The following OTOL1 variants were observed in gnomAD, a reference collection of about 807,000 sequenced individuals.
OTOL1 encodes otolin-1.
A neutral mutation model predicts 25.0 loss-of-function variants in OTOL1; 31 were observed. That is an observed-to-expected ratio of 1.24 (90% CI 0.93 to 1.67). The LOEUF is 1.67. Ranked by LOEUF, OTOL1 falls within the 40% of genes most tolerant of loss-of-function variation. The pLI is 0.00. For missense variants in OTOL1, 654 were observed against 587.7 expected, an observed-to-expected ratio of 1.11 and a Z score of -1.17; for synonymous variants, 225 against 210.3, an observed-to-expected ratio of 1.07 and a Z score of -0.61.
intron 2 of OTOL1, 75 bp downstream of exon 2, chr3:161,499,335 G>A: frequency 1.8e-6 from 2 of 1,114,922 alleles, no homozygotes; most frequent in Non-Finnish European, 2.6e-6. Context: ...GCTACTTAAA[G>A]ACTAGATTCT....
rs184942288 is a variant in OTOL1 at position 161,497,600 on chromosome 3, G to T, written c.364+429G>T. On this transcript the variant is annotated intron_variant, in intron 1 of 3. Transcript: ENST00000327928. The stretch of plus-strand genomic sequence containing the variant: ...TAAATTAGTGGCTGATTTAAAAAGG[G>T]TAAATGAAACTTCTGTTGCCTTGCA... 3.2e-3 allele frequency among the ~76,000 whole-genome samples: 482 copies of T among 152,202 alleles called. 4 individuals are homozygous for T. Among genetic ancestry groups the T allele is most frequent in the African/African-American group, 0.011 (461 of 41,534 alleles).
Position 161,499,221 on chromosome 3 carries a change from G to T in OTOL1, c.415G>T (p.Val139Phe). ...GGGGATCCCAGGGCCACCAGGAGTT[G>T]TTGGGCCCCAAGGCCCTAGAGGCTA... ...NLGIPGPPGV[V>F]GPQGPRGYKG... Residue 139 changes from valine (V) to phenylalanine (F), a missense_variant, in exon 2 of 4, where the codon GTT becomes TTT. Coordinates refer to ENST00000327928, the MANE Select transcript of OTOL1 (RefSeq NM_001080440.1). The T allele has an allele frequency of 1.2e-6, 2 of 1,611,570 alleles. No individual in the cohort carries two copies. Among genetic ancestry groups the T allele is most frequent in the Non-Finnish European group, 1.7e-6 (2 of 1,178,978 alleles).
rs1334511972 is a variant in OTOL1, at chr3:161,497,202, C to T, written c.364+31C>T. ...AGAAAATATAAGAAGTCATGTTTCT[C>T]ACTTGTACATTGGTAGAGTTGAGAG... On this transcript the variant is annotated intron_variant, in intron 1 of 3. Coordinates refer to ENST00000327928, the MANE Select transcript of OTOL1 (RefSeq NM_001080440.1). 2.5e-6 allele frequency: 4 copies of T among 1,579,660 alleles called. No individual in the cohort carries two copies. In the East Asian group the frequency reaches 6.7e-5, roughly 27 times the overall value.
Position 161,503,831 on chromosome 3 carries a change from C to A in OTOL1, c.1323C>A (p.Val441=). ...VILKLSAGDQ[V]WLEVSKDWNG... ...TGAAATTAAGTGCAGGAGACCAAGT[C>A]TGGCTTGAGGTGTCAAAAGATTGGA... The change falls in exon 4 of 4, where the codon GTC becomes GTA. Residue 441 remains valine, a synonymous_variant. Transcript: ENST00000327928. The A allele has an allele frequency of 6.2e-7, 1 of 1,613,920 alleles. No individual in the cohort carries two copies. The highest frequency in any genetic ancestry group is 1.3e-5 in the African/African-American group (1 of 75,038).
At chr3:161,502,219 C>A in intron 2 of OTOL1, 88 bp from the exon 3 acceptor site, 1 of 1,255,346 alleles carries the variant, frequency 8.0e-7, no homozygotes, top group Non-Finnish European at 1.1e-6. Flanking sequence ...TTAAAGAAAA[C>A]ACTAGAATGT....
intron 3 of OTOL1, among the ~76,000 whole-genome samples, 178 bp downstream of exon 3, chr3:161,502,547 C>T (rs1275480840): frequency 6.6e-6 from 1 of 152,090 alleles, no homozygotes; most frequent in Non-Finnish European, 1.5e-5. Context: ...AATTTGGAGA[C>T]CAGGTAATAG....
At chr3:161,498,789 G>A (rs945832074) in intron 1 of OTOL1, among the ~76,000 whole-genome samples, 7 of 152,146 alleles carry the variant, frequency 4.6e-5, no homozygotes, top group Admixed American at 6.6e-5. Context: ...ATGAATGAAT[G>A]AGTAAGTGAA....
rs529602090 is a variant in OTOL1 at position 161,501,771 on chromosome 3, T to C, written c.455-536T>C. On this transcript the variant is annotated intron_variant, in intron 2 of 3. Transcript: ENST00000327928. ...GTTTTATGAGAGGTTTGAAGAGCCA[T>C]GGAAATGCTGAGGGCAAAGATGAAT... is the stretch of plus-strand genomic sequence containing the variant. Among the ~76,000 whole-genome samples the C allele has an allele frequency of 2.0e-5, 3 of 152,268 alleles. 1 individual carries two copies. In the South Asian group the frequency reaches 6.2e-4, roughly 32 times the overall value.
At chr3:161,501,825 T>G (rs1718979421) in intron 2 of OTOL1, among the ~76,000 whole-genome samples, 1 of 152,128 alleles carries the variant, frequency 6.6e-6, no homozygotes, top group East Asian at 1.9e-4. Flanking sequence ...TGCCTCCAGA[T>G]CGCTAAAATA....
Position 161,497,088 on chromosome 3 carries a change from C to T in OTOL1, c.281C>T (p.Pro94Leu). Residue 94 changes from proline (P) to leucine (L), a missense_variant, in exon 1 of 4, where the codon CCA becomes CTA. Coordinates refer to ENST00000327928, the MANE Select transcript of OTOL1 (RefSeq NM_001080440.1). ...LSPFENFTLD[P>L]ADFFLNCCDC... ...CCCTTTGAAAACTTCACTCTTGACC[C>T]AGCTGATTTCTTTTTGAATTGTTGT... is the stretch of plus-strand genomic sequence containing the variant. The T allele has an allele frequency of 1.9e-6, 3 of 1,613,644 alleles. No homozygotes were observed. Among genetic ancestry groups the T allele is most frequent in the Non-Finnish European group, 2.5e-6 (3 of 1,179,640 alleles).
intron 2 of OTOL1, among the ~76,000 whole-genome samples, chr3:161,500,061 G>A (rs1230196724): frequency 6.6e-6 from 1 of 152,138 alleles, no homozygotes; most frequent in Non-Finnish European, 1.5e-5. Context: ...AAATTCCTCA[G>A]TGAATACCAG....
chr3:161,496,874 G>A lies in OTOL1; in HGVS notation c.67G>A (p.Ala23Thr). 2 of 1,612,666 alleles carry A rather than the reference G, an allele frequency of 1.2e-6. No individual in the cohort carries two copies. The highest frequency in any genetic ancestry group is 2.2e-5 in the South Asian group (2 of 90,968). Residue 23 changes from alanine to threonine, a missense_variant, in exon 1 of 4, where the codon GCA (alanine) becomes ACA (threonine). Ala to Thr is a moderately conservative substitution (Grantham distance 58). Coordinates refer to ENST00000327928, the MANE Select transcript of OTOL1 (RefSeq NM_001080440.1). ...GGCTATTGCTGGTATGAACACAATA[G>A]CAAAGACCACACCACATACCAAATT... is the stretch of plus-strand genomic sequence containing the variant. ...ILAIAGMNTI[A>T]KTTPHTKFTK... is the part of the protein sequence containing the mutation.
chr3:161,499,083 T>C lies in OTOL1; in HGVS notation c.365-88T>C, dbSNP rs905915692. 4 of 951,054 alleles carry C rather than the reference T, an allele frequency of 4.2e-6. No individual in the cohort carries two copies. In the African/African-American group the frequency reaches 5.0e-5, roughly 12 times the overall value. The allele number at this position is 951,054 out of a possible 1,614,324, so 58.9% of individuals were successfully genotyped here. On this transcript the variant is annotated intron_variant, in intron 1 of 3. Transcript: ENST00000327928. ...CATTAGGTCATTGATACTTATTGAT[T>C]GCAGTAAAATGCTTTTTTTCTTTCC...
In OTOL1 at chr3:161,499,320, A is replaced by G. The variant is rs1430413828; in HGVS notation, c.454+60A>G. The G allele has an allele frequency of 5.4e-6, 7 of 1,295,584 alleles. No homozygotes were observed. The African/African-American group carries it at 1.1e-4, about 20-fold the overall frequency. The allele number at this position is 1,295,584 out of a possible 1,614,324, so 80.3% of individuals were successfully genotyped here. ...ATTCTGCATCATTTTTCAGGAGAGCAATTTGCTACTTAAAGACTAGATTCT... is the reference window on the plus strand; with the variant it reads ...ATTCTGCATCATTTTTCAGGAGAGCGATTTGCTACTTAAAGACTAGATTCT... On this transcript the variant is annotated intron_variant, in intron 2 of 3. Coordinates refer to ENST00000327928, the MANE Select transcript of OTOL1 (RefSeq NM_001080440.1).
Position 161,503,208 on chromosome 3 carries a change from G to C in OTOL1, c.700G>C (p.Glu234Gln), listed in dbSNP as rs371465419. The C allele has an allele frequency of 2.8e-6, 3 of 1,055,040 alleles. No homozygotes were observed. The highest frequency in any genetic ancestry group is 1.3e-6 in the Non-Finnish European group (1 of 799,526). 65.4% of individuals were successfully genotyped at this position (1,055,040 alleles called of 1,614,324 possible). The change falls in exon 4 of 4, where the codon GAG becomes CAG. Residue 234 changes from glutamate to glutamine, a missense_variant. Coordinates refer to ENST00000327928, the MANE Select transcript of OTOL1 (RefSeq NM_001080440.1). ...CAAGGGAGAGAAGGGGGAGATGGGGGAGAAGGGGGAGATGGGGGATAAGGG... is the reference window on the plus strand; with the variant it reads ...CAAGGGAGAGAAGGGGGAGATGGGGCAGAAGGGGGAGATGGGGGATAAGGG... ...GAKGEKGEMGEKGEMGDKGCC... is the reference protein window; with the variant it reads ...GAKGEKGEMGQKGEMGDKGCC...
intron 1 of OTOL1, among the ~76,000 whole-genome samples, chr3:161,498,084 G>A (rs1232167301): frequency 6.6e-6 from 1 of 152,158 alleles, no homozygotes. Flanking sequence ...GAGATGGGCC[G>A]TAGCTTGGGT....
At position 161,497,151 on chromosome 3, in the gene OTOL1, C is replaced by G. The variant is rs370987647; in HGVS notation, c.344C>G (p.Pro115Arg). The G allele has an allele frequency of 1.3e-5, 21 of 1,611,630 alleles. No individual in the cohort carries two copies. The African/African-American group carries it at 2.3e-4, about 17-fold the overall frequency. Residue 115 changes from proline to arginine, a missense_variant, in exon 1 of 4, where the codon CCT becomes CGT. Pro to Arg is a moderately radical substitution (Grantham distance 103). Transcript: ENST00000327928. ...CSPVPGQKGEPGETGQPGPKG... is the reference protein window; with the variant it reads ...CSPVPGQKGERGETGQPGPKG... ...CCTGTACCCGGGCAGAAAGGAGAAC[C>G]TGGAGAGACTGGACAGCCAGGTATT...
rs374436942 is a variant in OTOL1 at position 161,499,171 on chromosome 3, G to A, written c.365G>A (p.Gly122Asp). The part of the protein sequence containing the change: ...KGEPGETGQP[G>D]PKGEAGNLGI... Reference sequence around the variant, plus strand: ...GATGTATTTAAAATCCCATTTCTAGGTCCTAAAGGAGAGGCTGGAAATTTG... The same window carrying A: ...GATGTATTTAAAATCCCATTTCTAGATCCTAAAGGAGAGGCTGGAAATTTG... Residue 122 changes from glycine (G) to aspartate (D), a missense_variant and splice_region_variant, in exon 2 of 4, where the codon GGT becomes GAT. By Grantham distance (94) the Gly-to-Asp change is moderately conservative. Transcript: ENST00000327928. 2.5e-6 allele frequency: 4 copies of A among 1,605,846 alleles called. No homozygotes were observed. The African/African-American group carries it at 4.0e-5, about 16-fold the overall frequency.
Position 161,499,215 on chromosome 3 carries a change from G to C in OTOL1, c.409G>C (p.Gly137Arg), listed in dbSNP as rs1417323895. The C allele has an allele frequency of 6.2e-7, 1 of 1,611,642 alleles. No individual in the cohort carries two copies. Among genetic ancestry groups the C allele is most frequent in the South Asian group, 1.1e-5 (1 of 90,372 alleles). ...AAATTTGGGGATCCCAGGGCCACCA[G>C]GAGTTGTTGGGCCCCAAGGCCCTAG... ...AGNLGIPGPP[G>R]VVGPQGPRGY... is the part of the protein sequence containing the mutation. The change falls in exon 2 of 4, where the codon GGA becomes CGA. Residue 137 changes from glycine (G) to arginine (R), a missense_variant. Transcript: ENST00000327928.
Sources: allele counts gnomAD v4.1 joint callset (sites outside exome capture counted in the v4.1 genomes callset), GRCh38; gene constraint gnomAD v4.1.1; transcripts MANE v1.5; gene names NCBI Gene and HGNC (gene_info 2026-07-23, HGNC 2026-07-21).